ITGA10: variants seen among roughly 807,000 people sequenced by gnomAD.
ITGA10 encodes the protein integrin alpha-10.
ITGA10 carries 105 observed loss-of-function variants against 145.2 expected under a neutral mutation model. The ratio of observed to expected loss-of-function variants is 0.72; its 90% CI spans 0.62 to 0.85. The LOEUF is 0.85. ITGA10 is among the 40% of genes least tolerant of loss of function. The probability of loss-of-function intolerance (pLI) is 0.00; values close to 1 mark genes in which losing one functional copy is unlikely to be tolerated. For missense variants in ITGA10, 1,317 were observed against 1,444.5 expected (o/e 0.91, Z 1.43); for synonymous variants, 506 against 557.8 (o/e 0.91, Z 1.31).
rs781858685 is a variant in ITGA10 at position 145,901,189 on chromosome 1, G to A, written c.1533C>T (p.Phe511=). ...TDVLLVAAPM[F]LGPQNKETGR... is the part of the protein sequence containing the mutation. ...CTGTTTCCTTGTTCTGGGGTCCCAG[G>A]AACATGGGGGCAGCCACAAGTAAGA... is the stretch of plus-strand genomic sequence containing the variant. Residue 511 remains phenylalanine, a synonymous_variant, in exon 13 of 30, where the codon TTC becomes TTT. Coordinates refer to ENST00000369304, the MANE Select transcript of ITGA10 (RefSeq NM_003637.5). This position sits in a 1 kb window ranked among gnomAD's most constrained non-coding sequence, Gnocchi z 4.3. The A allele has an allele frequency of 6.2e-7, 1 of 1,613,980 alleles. No homozygotes were observed. Among genetic ancestry groups the A allele is most frequent in the African/African-American group, 1.3e-5 (1 of 74,944 alleles).
chr1:145,904,625 T>C, intron 6 of ITGA10, 59 bp downstream of exon 6: 3 of 1,590,602 alleles, frequency 1.9e-6, no homozygotes, highest in Non-Finnish European at 2.6e-6. Context: ...TCCTCCCACC[T>C]CCACCTCTTA....
At position 145,895,973 on chromosome 1, in the gene ITGA10, C is replaced by A. The variant is rs1553744868; in HGVS notation, c.3033+10G>T. ...TGGCAGGATTCCATGCCCTCCTAGA[C>A]CAGACTCACATTGTTAGTGATGACT... On this transcript the variant is annotated intron_variant, in intron 25 of 29. Coordinates refer to ENST00000369304, the MANE Select transcript of ITGA10 (RefSeq NM_003637.5). The A allele has an allele frequency of 4.4e-6, 7 of 1,600,430 alleles. No homozygotes were observed. The highest frequency in any genetic ancestry group is 6.0e-6 in the Non-Finnish European group (7 of 1,167,702).
intron 27 of ITGA10, 96 bp from the exon 28 acceptor site, chr1:145,893,731 AT>A (rs1655009429): frequency 1.1e-6 from 1 of 920,028 alleles, no homozygotes; most frequent in Non-Finnish European, 1.7e-6. Flanking sequence ...GCTGAGAGGC[AT>A]AATGTTGAGG....
chr1:145,901,731 A>T lies in ITGA10; in HGVS notation c.1295-67T>A. 1 of 1,535,230 alleles carries T rather than the reference A, an allele frequency of 6.5e-7. No homozygotes were observed. Among genetic ancestry groups the T allele is most frequent in the Non-Finnish European group, 8.8e-7 (1 of 1,140,154 alleles). ...GGGGTCCAGAGTAGGGGGGTTCCCTAAAGGCATAGCAGGAGGTCCCAAGGG... is the reference window on the plus strand; with the variant it reads ...GGGGTCCAGAGTAGGGGGGTTCCCTTAAGGCATAGCAGGAGGTCCCAAGGG... On this transcript the variant is annotated intron_variant, in intron 11 of 29. Coordinates refer to ENST00000369304, the MANE Select transcript of ITGA10 (RefSeq NM_003637.5). The surrounding 1 kb of genome is among the most constrained non-coding windows in gnomAD (Gnocchi z 4.3).
intron 24 of ITGA10, 28 bp from the exon 25 acceptor site, chr1:145,896,124 A>G (rs1553744977): frequency 1.3e-6 from 2 of 1,583,484 alleles, no homozygotes; most frequent in Non-Finnish European, 1.7e-6. Flanking sequence ...AATAGGAAGA[A>G]GTGGGAGACA....
intron 1 of ITGA10, among the ~76,000 whole-genome samples, chr1:145,909,693 TATA>T (rs1221746960): frequency 2.6e-5 from 1 of 38,946 alleles, no homozygotes; most frequent in Non-Finnish European, 8.8e-5. Flanking sequence ...ATATATAATA[TATA>T]ATTATACATT....
intron 29 of ITGA10, 70 bp from the exon 30 acceptor site, chr1:145,892,933 T>A: frequency 8.6e-7 from 1 of 1,168,530 alleles, no homozygotes; most frequent in Non-Finnish European, 1.3e-6. Context: ...CTCTCAGACT[T>A]ATCTGAGGTC....
At chr1:145,900,673 TA>T in intron 14 of ITGA10, 116 bp downstream of exon 14, 1 of 1,071,294 alleles carries the variant, frequency 9.3e-7, no homozygotes, top group Non-Finnish European at 1.4e-6. Context: ...TTTTGCCTAC[TA>T]ATAAAAGCAC....
intron 5 of ITGA10, 124 bp downstream of exon 5, chr1:145,906,270 A>G (rs1263658673): frequency 1.5e-6 from 1 of 685,524 alleles, no homozygotes; most frequent in East Asian, 2.6e-5. Flanking sequence ...TTTTGCAAGC[A>G]CATTAGGTAG....
In ITGA10 at chr1:145,903,272, G is replaced by A. The variant is rs189642720; in HGVS notation, c.759-311C>T. 4.5e-4 allele frequency among the ~76,000 whole-genome samples: 68 copies of A among 152,230 alleles called. No individual in the cohort carries two copies. In the East Asian group the frequency reaches 6.0e-3, roughly 13 times the overall value. The stretch of plus-strand genomic sequence containing the variant: ...TATTGCACTTGGGAGGGGAAATATC[G>A]ATGAAATATAGAACGGAAAAGAATG... On this transcript the variant is annotated intron_variant, in intron 7 of 29. Transcript: ENST00000369304.
At chr1:145,904,356 C>A (rs1656811289) in intron 6 of ITGA10, among the ~76,000 whole-genome samples, 156 bp from the exon 7 acceptor site, 1 of 152,024 alleles carries the variant, frequency 6.6e-6, no homozygotes, top group African/African-American at 2.4e-5. Context: ...CCCTTCCAAG[C>A]CCATCCATAT....
intron 1 of ITGA10, among the ~76,000 whole-genome samples, chr1:145,908,614 C>T (rs1657467317): frequency 6.6e-6 from 1 of 152,166 alleles, no homozygotes; most frequent in African/African-American, 2.4e-5. Flanking sequence ...AGGAAAAATT[C>T]CAGGCCTCTT....
At chr1:145,902,107 A>C in intron 10 of ITGA10, 86 bp from the exon 11 acceptor site, 2 of 1,591,080 alleles carry the variant, frequency 1.3e-6, no homozygotes. Context: ...AAGATCACTG[A>C]GGGTCTGCTG....
In ITGA10 at chr1:145,900,874, C is replaced by G; in HGVS notation, c.1707G>C (p.Val569=). ...LNQDGFADVA[V]GAPLEDGHQG... is the part of the protein sequence containing the mutation. ...GGTGCCCATCTTCCAGAGGCGCCCC[C>G]ACAGCCACATCAGCAAAACCATCTT... The change falls in exon 14 of 30, where the codon GTG becomes GTC. Residue 569 remains valine (V), a synonymous_variant. Transcript: ENST00000369304. The G allele has an allele frequency of 6.2e-7, 1 of 1,614,144 alleles. No homozygotes were observed. Among genetic ancestry groups the G allele is most frequent in the Non-Finnish European group, 8.5e-7 (1 of 1,180,030 alleles).
At chr1:145,895,848 TAAAAAGAAAGCCCCCC>T (rs1655317696) in intron 25 of ITGA10, 119 bp downstream of exon 25, 2 of 1,020,250 alleles carry the variant, frequency 2.0e-6, no homozygotes, top group African/African-American at 3.2e-5. Flanking sequence ...GCCACATGTG[TAAAAAGAAAGCCCCCC>T]AGAGAGAAGA....
intron 1 of ITGA10, 190 bp from the exon 2 acceptor site, chr1:145,907,655 T>G (rs1260445014): frequency 2.1e-6 from 2 of 958,276 alleles, no homozygotes; most frequent in Non-Finnish European, 2.5e-6. Context: ...TGTGTTTGTG[T>G]CCAGATGCCT....
Position 145,891,464 on chromosome 1 carries a change from G to A in ITGA10, c.*1334C>T, listed in dbSNP as rs183846070. On this transcript the variant is annotated 3_prime_UTR_variant, in exon 30 of 30. Transcript: ENST00000369304. ...AAAAGGCTCCCAGAGCTGCACTCTG[G>A]AGACCAATAACTGACTTCGATATCT... 1.2e-4 allele frequency: 18 copies of A among 152,612 alleles called. No homozygotes were observed. The highest frequency in any genetic ancestry group is 1.2e-3 in the Admixed American group (18 of 15,290). 9.5% of individuals were successfully genotyped at this position (152,612 alleles called of 1,614,324 possible).
Position 145,901,605 on chromosome 1 carries a change from G to C in ITGA10, c.1354C>G (p.Pro452Ala), listed in dbSNP as rs372868720. 6.2e-7 allele frequency: 1 copy of C among 1,604,506 alleles called. No individual in the cohort carries two copies. Among genetic ancestry groups the C allele is most frequent in the Non-Finnish European group, 8.5e-7 (1 of 1,176,152 alleles). The change falls in exon 12 of 30, where the codon CCT (proline) becomes GCT (alanine). Residue 452 changes from proline (P) to alanine (A), a missense_variant. Transcript: ENST00000369304. This position sits in a 1 kb window ranked among gnomAD's most constrained non-coding sequence, Gnocchi z 4.3. ...GGRRLFLSGA[P>A]RFRHRGKVIA... Reference sequence around the variant, plus strand: ...ACTTTTCCTCGATGTCTAAATCGAGGAGCCCCAGAGAGAAACAGGCGGCGT... The same window carrying C: ...ACTTTTCCTCGATGTCTAAATCGAGCAGCCCCAGAGAGAAACAGGCGGCGT...
chr1:145,907,636 T>TG lies in ITGA10; in HGVS notation c.53-172_53-171insC, dbSNP rs1553751828. ...TACTCAGAGCTCCAGGCAAAGATGATTCCCTTCCTGTGTTTGTGTCCAGAT... is the reference window on the plus strand; with the variant it reads ...TACTCAGAGCTCCAGGCAAAGATGATGTCCCTTCCTGTGTTTGTGTCCAGAT... On this transcript the variant is annotated intron_variant, in intron 1 of 29. Transcript: ENST00000369304. 159 of 983,774 alleles carry TG rather than the reference T, an allele frequency of 1.6e-4. 1 individual carries two copies. Among genetic ancestry groups the TG allele is most frequent in the African/African-American group, 8.2e-4 (47 of 57,254 alleles). The allele number at this position is 983,774 out of a possible 1,614,324, so 60.9% of individuals were successfully genotyped here. A position where few individuals can be genotyped will look rare whatever the true frequency, so the allele number is the denominator to read the frequency against.
Sources: gnomAD v4.1 joint callset for allele counts (sites outside exome capture counted in the v4.1 genomes callset) on GRCh38, gnomAD v4.1.1 for gene constraint, Gnocchi (gnomAD v3.1) non-coding constraint, MANE v1.5 for transcripts, NCBI Gene and HGNC (gene_info 2026-07-23, HGNC 2026-07-21) for gene names.